Variants in PCDHGA1 observed in about 807,000 individuals in gnomAD.
PCDHGA1 encodes protocadherin gamma subfamily A, 1.
A neutral mutation model predicts 58.0 loss-of-function variants in PCDHGA1; 32 were observed. The ratio of observed to expected loss-of-function variants is 0.55; its 90% CI spans 0.42 to 0.74. The LOEUF is 0.74. PCDHGA1 is among the 30% of genes least tolerant of loss of function. The pLI is 0.00. For missense variants in PCDHGA1, 1,205 were observed against 1,182.3 expected, an observed-to-expected ratio of 1.02 and a Z score of -0.28; for synonymous variants, 498 against 501.1, an observed-to-expected ratio of 0.99 and a Z score of 0.08.
chr5:141,358,274 A>T (rs1760873483), intron 1 of PCDHGA1, among the ~76,000 whole-genome samples: 1 of 152,222 alleles, frequency 6.6e-6, no homozygotes, highest in Non-Finnish European at 1.5e-5. Flanking sequence ...GAGACCTGTA[A>T]AATAGAAGGC....
chr5:141,357,655 G>A lies in PCDHGA1; in HGVS notation c.2421+24550G>A, dbSNP rs369881660. The A allele has an allele frequency of 1.8e-5, 29 of 1,606,982 alleles. 1 individual carries two copies. Among genetic ancestry groups the A allele is most frequent in the South Asian group, 8.9e-5 (8 of 90,294 alleles). On this transcript the variant is annotated intron_variant, in intron 1 of 3. Coordinates refer to ENST00000517417, the MANE Select transcript of PCDHGA1 (RefSeq NM_018912.3). ...ATCTTATAATAGATCATACCACACTGAAATATAGACAAAGAGTTGTGTAAA... is the reference window on the plus strand; with the variant it reads ...ATCTTATAATAGATCATACCACACTAAAATATAGACAAAGAGTTGTGTAAA...
intron 1 of PCDHGA1, among the ~76,000 whole-genome samples, chr5:141,437,741 CT>C (rs35124340): frequency 3.0e-3 from 425 of 141,590 alleles, no homozygotes; most frequent in African/African-American, 3.7e-3. Context: ...TTGAGTTCAC[CT>C]TTTTTTTTTT....
At chr5:141,390,867 C>CATGT in intron 1 of PCDHGA1, 1 of 151,040 alleles carries the variant, frequency 6.6e-6, no homozygotes, top group East Asian at 1.9e-4. Flanking sequence ...GCTGTGTGTG[C>CATGT]GTGTGTGTGT....
At chr5:141,430,404 A>T (rs1054341813) in intron 1 of PCDHGA1, among the ~76,000 whole-genome samples, 2 of 152,000 alleles carry the variant, frequency 1.3e-5, no homozygotes, top group African/African-American at 4.8e-5. Flanking sequence ...AAAGCTCACT[A>T]AAGTTTCTAT....
chr5:141,362,640 T>C (rs1454864251), intron 1 of PCDHGA1: 1 of 1,468,046 alleles, frequency 6.8e-7, no homozygotes, highest in Non-Finnish European at 9.1e-7. Flanking sequence ...TATTTCTTTG[T>C]CTGTGAGTTA....
rs1562129544 is a variant in PCDHGA1 at position 141,489,362 on chromosome 5, C to G, written c.2422-5445C>G. ...TACTCAGTGGTGGAGGAGTCTGAGC[C>G]GGGGACGCTGGTGGGGAATGTTGCT... On this transcript the variant is annotated intron_variant, in intron 1 of 3. Transcript: ENST00000517417. This position sits in a 1 kb window ranked among gnomAD's most constrained non-coding sequence, Gnocchi z 4.5. 6.2e-7 allele frequency: 1 copy of G among 1,613,052 alleles called. No individual in the cohort carries two copies. Among genetic ancestry groups the G allele is most frequent in the Non-Finnish European group, 8.5e-7 (1 of 1,179,268 alleles).
chr5:141,374,993 T>G (rs1439480761), intron 1 of PCDHGA1: 1 of 1,613,938 alleles, frequency 6.2e-7, no homozygotes, highest in Non-Finnish European at 8.5e-7. Flanking sequence ...AATTTCAACT[T>G]CTGCAAATCT....
chr5:141,433,358 C>CCCATCTAT (rs1554125967), intron 1 of PCDHGA1: 6 of 503,934 alleles, frequency 1.2e-5, no homozygotes, highest in Admixed American at 3.6e-5. Context: ...CTACTGTCTG[C>CCCATCTAT]CTATCTATCT....
chr5:141,462,959 G>A lies in PCDHGA1; in HGVS notation c.2422-31848G>A, dbSNP rs188938907. 5.1e-3 allele frequency among the ~76,000 whole-genome samples: 776 copies of A among 152,188 alleles called. 5 individuals are homozygous for A. Among genetic ancestry groups the A allele is most frequent in the Non-Finnish European group, 8.2e-3 (557 of 67,994 alleles). On this transcript the variant is annotated intron_variant, in intron 1 of 3. Transcript: ENST00000517417. ...AAGGCTTGTTTTTAAGCTTTGTTAGGACAGGTCTGTAGTAACTTTTGCCTT... is the reference window on the plus strand; with the variant it reads ...AAGGCTTGTTTTTAAGCTTTGTTAGAACAGGTCTGTAGTAACTTTTGCCTT...
At chr5:141,422,705 C>A in intron 1 of PCDHGA1, 1 of 1,602,702 alleles carries the variant, frequency 6.2e-7, no homozygotes, top group East Asian at 2.2e-5. Flanking sequence ...TACTCTCTGA[C>A]GGATGACACT....
intron 1 of PCDHGA1, chr5:141,375,280 C>A (rs771324220): frequency 6.2e-7 from 1 of 1,613,794 alleles, no homozygotes; most frequent in Admixed American, 1.7e-5. Flanking sequence ...AATCAGTTGG[C>A]AATTATTATC....
At chr5:141,355,002 A>C in intron 1 of PCDHGA1, 1 of 756,684 alleles carries the variant, frequency 1.3e-6, no homozygotes, top group Non-Finnish European at 1.9e-6. Flanking sequence ...GGGGGAAAAG[A>C]CAAACCAGAA....
chr5:141,369,478 G>A lies in PCDHGA1; in HGVS notation c.2421+36373G>A, dbSNP rs139702118. 6.3e-3 allele frequency among the ~76,000 whole-genome samples: 955 copies of A among 152,098 alleles called. 15 individuals carry two copies. The highest frequency in any genetic ancestry group is 0.022 in the African/African-American group (913 of 41,484). ...AGCCAGGTGTTCTAGCCCAGCCTGG[G>A]CAACATAGTGAAACCCCACCTCTAT... is the stretch of plus-strand genomic sequence containing the variant. On this transcript the variant is annotated intron_variant, in intron 1 of 3. Coordinates refer to ENST00000517417, the MANE Select transcript of PCDHGA1 (RefSeq NM_018912.3).
chr5:141,478,139 G>C, intron 1 of PCDHGA1: 15 of 1,614,040 alleles, frequency 9.3e-6, no homozygotes, highest in Non-Finnish European at 1.3e-5. Context: ...TGAAGCCCGA[G>C]CCGAGTTCCC....
At chr5:141,355,771 T>C (rs1160027293) in intron 1 of PCDHGA1, 3 of 1,613,870 alleles carry the variant, frequency 1.9e-6, no homozygotes, top group Non-Finnish European at 2.5e-6. Context: ...TGGGATTAAG[T>C]ACCCAGAGCT....
intron 1 of PCDHGA1, chr5:141,421,722 G>C: frequency 6.2e-7 from 1 of 1,613,972 alleles, no homozygotes; most frequent in Non-Finnish European, 8.5e-7. Flanking sequence ...ATGTGGGCGT[G>C]AACTCCCTCC....
intron 1 of PCDHGA1, chr5:141,374,742 C>T (rs1382250910): frequency 8.7e-6 from 14 of 1,611,846 alleles, no homozygotes; most frequent in African/African-American, 1.3e-5. Flanking sequence ...GGCGGCGACC[C>T]TGTCCGCTCA....
At chr5:141,356,568 C>T (rs772202160) in intron 1 of PCDHGA1, 1 of 1,614,150 alleles carries the variant, frequency 6.2e-7, no homozygotes, top group South Asian at 1.1e-5. Flanking sequence ...CTCATGCTTC[C>T]TACTCTGCTT....
At chr5:141,419,600 G>A (rs1304962440) in intron 1 of PCDHGA1, 3 of 1,611,816 alleles carry the variant, frequency 1.9e-6, no homozygotes, top group Non-Finnish European at 2.5e-6. Context: ...AGTGCCGCGG[G>A]CCGCGCAGCC....
Sources: gnomAD v4.1 joint callset for allele counts (sites outside exome capture counted in the v4.1 genomes callset) on GRCh38, gnomAD v4.1.1 for gene constraint, Gnocchi (gnomAD v3.1) non-coding constraint, MANE v1.5 for transcripts, NCBI Gene and HGNC (gene_info 2026-07-23, HGNC 2026-07-21) for gene names.